Variants in ARHGAP42 observed in about 807,000 individuals in gnomAD.
ARHGAP42 encodes rho GTPase-activating protein 42.
In ARHGAP42, 63 loss-of-function variants were observed where a neutral mutation model predicts 125.0. That is an observed-to-expected ratio of 0.50 (90% CI 0.41 to 0.62). The LOEUF (loss-of-function observed/expected upper bound fraction) is 0.62, where lower values mean the gene tolerates loss of function less well. Among genes scored for constraint, ARHGAP42 ranks in the 20% least tolerant of loss-of-function variants. The probability of loss-of-function intolerance (pLI) is 0.00; values close to 1 mark genes in which losing one functional copy is unlikely to be tolerated. For missense variants in ARHGAP42, 766 were observed against 1,024.2 expected, an observed-to-expected ratio of 0.75 and a Z score of 3.44; for synonymous variants, 339 against 351.0, an observed-to-expected ratio of 0.97 and a Z score of 0.38.
At chr11:100,731,662 T>C (rs1861961321) in intron 1 of ARHGAP42, among the ~76,000 whole-genome samples, 1 of 152,188 alleles carries the variant, frequency 6.6e-6, no homozygotes, top group East Asian at 1.9e-4. Context: ...GAGTGTTATC[T>C]GAGCTGCTGA....
chr11:100,855,279 T>G (rs1273296147), intron 3 of ARHGAP42, among the ~76,000 whole-genome samples: 1 of 152,132 alleles, frequency 6.6e-6, no homozygotes, highest in African/African-American at 2.4e-5. Flanking sequence ...TCGGATGTGT[T>G]AGCTAATGAG....
chr11:100,765,495 G>A (rs1014432526), intron 1 of ARHGAP42, among the ~76,000 whole-genome samples: 32 of 152,132 alleles, frequency 2.1e-4, no homozygotes, highest in African/African-American at 6.8e-4. Flanking sequence ...TGTAAAATGG[G>A]TGTGATGGCA....
chr11:100,739,148 T>G (rs1862126508), intron 1 of ARHGAP42, among the ~76,000 whole-genome samples: 2 of 152,264 alleles, frequency 1.3e-5, no homozygotes, highest in East Asian at 1.9e-4. Context: ...TAGAGTCTTT[T>G]TTTTTGTTTT....
intron 2 of ARHGAP42, among the ~76,000 whole-genome samples, chr11:100,772,354 A>C (rs768254592): frequency 6.6e-6 from 1 of 152,208 alleles, no homozygotes; most frequent in African/African-American, 2.4e-5. Flanking sequence ...TACATGATGC[A>C]TACATCATTG....
rs147259112 is a variant in ARHGAP42 at position 100,941,750 on chromosome 11, C to T, written c.833-34C>T. On this transcript the variant is annotated intron_variant, in intron 8 of 23. Transcript: ENST00000298815. Reference sequence around the variant, plus strand: ...AACTTTGATACAAATCATTTATTAACAAAATCTGAAATTTTTTTGTTTCCT... The same window carrying T: ...AACTTTGATACAAATCATTTATTAATAAAATCTGAAATTTTTTTGTTTCCT... 5.1e-4 allele frequency: 690 copies of T among 1,357,962 alleles called. 3 individuals are homozygous for T. The African/African-American group carries it at 9.3e-3, about 18-fold the overall frequency. The allele number at this position is 1,357,962 out of a possible 1,614,324, so 84.1% of individuals were successfully genotyped here.
intron 3 of ARHGAP42, among the ~76,000 whole-genome samples, chr11:100,831,752 T>C (rs897619593): frequency 1.3e-5 from 2 of 152,194 alleles, no homozygotes; most frequent in African/African-American, 4.8e-5. Flanking sequence ...CATTCCCAGC[T>C]TAAATACTTC....
chr11:100,957,722 G>C (rs1006289170), intron 12 of ARHGAP42, among the ~76,000 whole-genome samples: 1 of 152,094 alleles, frequency 6.6e-6, no homozygotes, highest in African/African-American at 2.4e-5. Flanking sequence ...CAGAACGGCA[G>C]CATCCGTAGA....
At chr11:100,790,004 C>G (rs1305110521) in intron 2 of ARHGAP42, among the ~76,000 whole-genome samples, 1 of 152,150 alleles carries the variant, frequency 6.6e-6, no homozygotes, top group African/African-American at 2.4e-5. Flanking sequence ...AAAGCCCAAA[C>G]TGATCAATTG....
intron 5 of ARHGAP42, among the ~76,000 whole-genome samples, chr11:100,915,762 A>T (rs574950128): frequency 7.2e-5 from 11 of 152,158 alleles, no homozygotes; most frequent in Non-Finnish European, 1.3e-4. Context: ...CTTTTCCAGG[A>T]GATACATCTT....
intron 8 of ARHGAP42, among the ~76,000 whole-genome samples, chr11:100,938,729 A>G (rs1306498258): frequency 6.6e-6 from 1 of 152,180 alleles, no homozygotes; most frequent in African/African-American, 2.4e-5. Context: ...AAAAAGGAAT[A>G]TATTTATATG....
chr11:100,872,871 G>A (rs1376638905), intron 4 of ARHGAP42, among the ~76,000 whole-genome samples: 1 of 152,100 alleles, frequency 6.6e-6, no homozygotes, highest in Non-Finnish European at 1.5e-5. Flanking sequence ...CAGCATTGGG[G>A]GATGCAAAAC....
intron 1 of ARHGAP42, among the ~76,000 whole-genome samples, chr11:100,745,803 T>C (rs1273793727): frequency 6.6e-6 from 1 of 152,222 alleles, no homozygotes; most frequent in African/African-American, 2.4e-5. Context: ...GCATCTCTAG[T>C]GTAGTTAATA....
At chr11:100,753,354 G>A (rs370185339) in intron 1 of ARHGAP42, among the ~76,000 whole-genome samples, 5 of 152,290 alleles carry the variant, frequency 3.3e-5, no homozygotes, top group East Asian at 3.9e-4. Context: ...ATTCCAGGCC[G>A]TCTTTGCTCA....
At chr11:100,942,377 C>T (rs1489883121) in intron 9 of ARHGAP42, among the ~76,000 whole-genome samples, 1 of 152,110 alleles carries the variant, frequency 6.6e-6, no homozygotes, top group East Asian at 1.9e-4. Context: ...GCTCATTTAC[C>T]CGAAAAGTAA....
At chr11:100,827,699 G>T (rs1378368663) in intron 3 of ARHGAP42, among the ~76,000 whole-genome samples, 1 of 152,214 alleles carries the variant, frequency 6.6e-6, no homozygotes, top group Non-Finnish European at 1.5e-5. Flanking sequence ...AGTTGTGGAG[G>T]CCTACTAAGG....
chr11:100,765,659 T>G (rs545876348), intron 1 of ARHGAP42, among the ~76,000 whole-genome samples: 1 of 152,338 alleles, frequency 6.6e-6, no homozygotes, highest in African/African-American at 2.4e-5. Context: ...ACACCCCTAC[T>G]GGACTGTGCC....
chr11:100,912,186 C>T (rs994782603), intron 4 of ARHGAP42, among the ~76,000 whole-genome samples: 4 of 152,088 alleles, frequency 2.6e-5, no homozygotes, highest in African/African-American at 9.7e-5. Flanking sequence ...CAGGAAAAAT[C>T]CCTTAAGCTA....
In ARHGAP42 at chr11:100,872,426, C is replaced by T. The variant is rs191247645; in HGVS notation, c.384+12801C>T. ...TGTTGTTTGTTTTGAGATAGAATCTCGCTCTGTCACCTAGGCTGGAGTGCA... is the reference window on the plus strand; with the variant it reads ...TGTTGTTTGTTTTGAGATAGAATCTTGCTCTGTCACCTAGGCTGGAGTGCA... On this transcript the variant is annotated intron_variant, in intron 4 of 23. Transcript: ENST00000298815. Among the ~76,000 whole-genome samples, 15 of 152,014 alleles carry T rather than the reference C, an allele frequency of 9.9e-5. No homozygotes were observed. The South Asian group carries it at 2.5e-3, about 25-fold the overall frequency.
intron 1 of ARHGAP42, among the ~76,000 whole-genome samples, chr11:100,722,415 CAG>C (rs1402578400): frequency 7.2e-6 from 1 of 138,992 alleles, no homozygotes; most frequent in Admixed American, 7.4e-5. Context: ...TTTTTTGAGA[CAG>C]AGTCTCGCTC....
Sources: gnomAD v4.1 joint callset for allele counts (sites outside exome capture counted in the v4.1 genomes callset) on GRCh38, gnomAD v4.1.1 for gene constraint, MANE v1.5 for transcripts, NCBI Gene and HGNC (gene_info 2026-07-23, HGNC 2026-07-21) for gene names.